Variants in ARHGEF26 observed in about 807,000 individuals in gnomAD.
ARHGEF26 encodes the protein Rho guanine nucleotide exchange factor (GEF) 26.
In ARHGEF26, 59 loss-of-function variants were observed where a neutral mutation model predicts 89.4. That is an observed-to-expected ratio of 0.66 (90% CI 0.54 to 0.82). The LOEUF (loss-of-function observed/expected upper bound fraction) is 0.82, where lower values mean the gene tolerates loss of function less well. ARHGEF26 is among the 40% of genes least tolerant of loss of function. ARHGEF26 has a pLI of 0.00. For synonymous variants in ARHGEF26, 500 were observed against 428.4 expected, an observed-to-expected ratio of 1.17 and a Z score of -2.06; for missense variants, 1,234 against 1,085.6, an observed-to-expected ratio of 1.14 and a Z score of -1.92.
chr3:154,239,030 T>G (rs1396658216), intron 11 of ARHGEF26, among the ~76,000 whole-genome samples: 2 of 151,924 alleles, frequency 1.3e-5, no homozygotes, highest in African/African-American at 4.8e-5. Flanking sequence ...GCCATGCTGG[T>G]TAGAGAGTGG....
chr3:154,177,237 GC>G (rs1712877982), intron 6 of ARHGEF26, among the ~76,000 whole-genome samples: 1 of 152,204 alleles, frequency 6.6e-6, no homozygotes, highest in Admixed American at 6.5e-5. Flanking sequence ...GCTGCCAGCA[GC>G]TTGGTTATGG....
chr3:154,192,695 A>G (rs1714023561), intron 8 of ARHGEF26, among the ~76,000 whole-genome samples: 1 of 152,222 alleles, frequency 6.6e-6, no homozygotes, highest in Admixed American at 6.5e-5. Flanking sequence ...ACTTTGGTCC[A>G]TATAAGGAAG....
In ARHGEF26 at chr3:154,180,814, CT is replaced by C. The variant is rs539935107; in HGVS notation, c.1488-6868del. On this transcript the variant is annotated intron_variant, in intron 6 of 14. Coordinates refer to ENST00000465093, the MANE Select transcript of ARHGEF26 (RefSeq NM_015595.4). ...TGCTGAAAAGGAAGTCTCTTGAGAC[CT>C]TTACCAGATCAGGATGTAGGTAGGA... is the stretch of plus-strand genomic sequence containing the variant. 2.5e-4 allele frequency among the ~76,000 whole-genome samples: 38 copies of C among 151,938 alleles called. No homozygotes were observed. The East Asian group carries it at 7.3e-3, about 29-fold the overall frequency.
intron 12 of ARHGEF26, 98 bp from the exon 13 acceptor site, chr3:154,253,018 T>G (rs542749746): frequency 5.2e-5 from 70 of 1,343,068 alleles, no homozygotes; most frequent in Middle Eastern, 1.8e-4. Context: ...GAGAATCTCT[T>G]GTTTTCTGGG....
intron 12 of ARHGEF26, among the ~76,000 whole-genome samples, chr3:154,250,773 TC>T (rs922362479): frequency 6.6e-6 from 1 of 152,246 alleles, no homozygotes; most frequent in Non-Finnish European, 1.5e-5. Flanking sequence ...ACACTTCTAT[TC>T]ATGAGGTATT....
At chr3:154,129,822 T>G (rs1191516604) in intron 4 of ARHGEF26, 103 bp downstream of exon 4, 26 of 1,296,144 alleles carry the variant, frequency 2.0e-5, no homozygotes, top group Non-Finnish European at 2.6e-5. Context: ...ATCCTGTAAC[T>G]AAGGAGAAAG....
chr3:154,238,316 G>A (rs1308593946), intron 11 of ARHGEF26, among the ~76,000 whole-genome samples: 3 of 152,142 alleles, frequency 2.0e-5, no homozygotes, highest in Admixed American at 6.5e-5. Context: ...GGAGATAATC[G>A]TGCCACACAA....
chr3:154,139,099 T>TG (rs1483926283), intron 4 of ARHGEF26, among the ~76,000 whole-genome samples: 3 of 152,044 alleles, frequency 2.0e-5, no homozygotes, highest in Non-Finnish European at 2.9e-5. Flanking sequence ...GGGGCACAGT[T>TG]GGGGAGTGGC....
Position 154,195,642 on chromosome 3 carries a change from T to C in ARHGEF26, c.1845+924T>C, listed in dbSNP as rs185028177. 4.5e-3 allele frequency among the ~76,000 whole-genome samples: 683 copies of C among 152,330 alleles called. 1 individual carries two copies. Among genetic ancestry groups the C allele is most frequent in the Non-Finnish European group, 7.5e-3 (511 of 68,032 alleles). ...GTAGATGCTCTTCCTTCATCTACGA[T>C]AGAAACATAGGGAGAGTGGATAAGT... On this transcript the variant is annotated intron_variant, in intron 9 of 14. Transcript: ENST00000465093.
intron 9 of ARHGEF26, among the ~76,000 whole-genome samples, chr3:154,200,775 G>C (rs1353694764): frequency 6.6e-6 from 1 of 151,306 alleles, no homozygotes; most frequent in Non-Finnish European, 1.5e-5. Context: ...TCTTTTATCA[G>C]TGTTTCATAG....
At chr3:154,215,889 C>T (rs901250382) in intron 9 of ARHGEF26, among the ~76,000 whole-genome samples, 1 of 151,704 alleles carries the variant, frequency 6.6e-6, no homozygotes, top group African/African-American at 2.4e-5. Context: ...GGGGGAGACA[C>T]AAACATTTAG....
In ARHGEF26 at chr3:154,240,277, C is replaced by G; in HGVS notation, c.2091-93C>G. The stretch of plus-strand genomic sequence containing the variant: ...TCTTTCCCTCTCCTTCCTGCCCACT[C>G]CTTGCTGTTTCCACCAAAATGTGCC... On this transcript the variant is annotated intron_variant, in intron 11 of 14. Transcript: ENST00000465093. 5 of 862,544 alleles carry G rather than the reference C, an allele frequency of 5.8e-6. 1 individual carries two copies. Among genetic ancestry groups the G allele is most frequent in the South Asian group, 5.5e-5 (3 of 54,764 alleles). 53.4% of individuals were successfully genotyped at this position (862,544 alleles called of 1,614,324 possible).
chr3:154,256,566 A>AAC lies in ARHGEF26; in HGVS notation c.*1094_*1095insCA, dbSNP rs1718519756. ...AATTAATTAAAAAAAAAAAAAAAAAAAAAAAAAAACCTTCCCAAATGAGCT... is the reference window on the plus strand; with the variant it reads ...AATTAATTAAAAAAAAAAAAAAAAAAACAAAAAAAAACCTTCCCAAATGAGCT... On this transcript the variant is annotated 3_prime_UTR_variant, in exon 15 of 15. Coordinates refer to ENST00000465093, the MANE Select transcript of ARHGEF26 (RefSeq NM_015595.4). 1 of 999,752 alleles carries AAC rather than the reference A, an allele frequency of 1.0e-6. No individual in the cohort carries two copies. Among genetic ancestry groups the AAC allele is most frequent in the Non-Finnish European group, 1.2e-6 (1 of 840,446 alleles). 61.9% of individuals were successfully genotyped at this position (999,752 alleles called of 1,614,324 possible).
intron 9 of ARHGEF26, among the ~76,000 whole-genome samples, chr3:154,202,174 T>G (rs1207136167): frequency 6.6e-6 from 1 of 152,166 alleles, no homozygotes; most frequent in Non-Finnish European, 1.5e-5. Context: ...CTTGAATTAA[T>G]TTTTGTATAA....
In ARHGEF26 at chr3:154,256,715, G is replaced by T; in HGVS notation, c.*1242G>T. On this transcript the variant is annotated 3_prime_UTR_variant, in exon 15 of 15. Transcript: ENST00000465093. ...GTAATCTCAAGGAAGGGAAAATTAG[G>T]CCTTAAAAGATACCAAGAAGTCAGC... is the stretch of plus-strand genomic sequence containing the variant. 2 of 1,359,216 alleles carry T rather than the reference G, an allele frequency of 1.5e-6. No individual in the cohort carries two copies. The highest frequency in any genetic ancestry group is 2.8e-5 in the East Asian group (1 of 35,774). The allele number at this position is 1,359,216 out of a possible 1,614,324, so 84.2% of individuals were successfully genotyped here.
intron 6 of ARHGEF26, among the ~76,000 whole-genome samples, chr3:154,184,786 A>C (rs1160603871): frequency 6.6e-6 from 1 of 152,150 alleles, no homozygotes; most frequent in Non-Finnish European, 1.5e-5. Flanking sequence ...GGATTGAGTG[A>C]TTTATTGGCT....
chr3:154,137,560 G>A (rs1394382053), intron 4 of ARHGEF26, among the ~76,000 whole-genome samples: 1 of 152,044 alleles, frequency 6.6e-6, no homozygotes, highest in East Asian at 1.9e-4. Context: ...ACTTAGCTTG[G>A]GCCAGGGACT....
intron 3 of ARHGEF26, 136 bp from the exon 4 acceptor site, chr3:154,129,438 C>T (rs1326688439): frequency 1.0e-6 from 1 of 985,338 alleles, no homozygotes; most frequent in Non-Finnish European, 1.5e-6. Context: ...TGTAATTATT[C>T]TTCAGGGACT....
At position 154,231,243 on chromosome 3, in the gene ARHGEF26, G is replaced by A. The variant is rs1265600357; in HGVS notation, c.2090+5233G>A. Among the ~76,000 whole-genome samples, 57 of 152,034 alleles carry A rather than the reference G, an allele frequency of 3.7e-4. 1 individual carries two copies. The highest frequency in any genetic ancestry group is 5.9e-5 in the Non-Finnish European group (4 of 67,994). On this transcript the variant is annotated intron_variant, in intron 11 of 14. Transcript: ENST00000465093. ...TCCTTTTTGCTCCTTTTTTTCTTCC[G>A]CTGTCATTTGCAGCCTTGATTCCTC...
Sources: allele counts gnomAD v4.1 joint callset (sites outside exome capture counted in the v4.1 genomes callset), GRCh38; gene constraint gnomAD v4.1.1; transcripts MANE v1.5; gene names NCBI Gene and HGNC (gene_info 2026-07-23, HGNC 2026-07-21).